GABBR2: variants seen among roughly 807,000 people sequenced by gnomAD.
The protein encoded by GABBR2 is gamma-aminobutyric acid type B receptor subunit 2.
GABBR2 carries 23 observed loss-of-function variants against 105.6 expected under a neutral mutation model. The observed-to-expected ratio is 0.22, with a 90% confidence interval of 0.16 to 0.31. GABBR2 has a LOEUF of 0.31. Among genes scored for constraint, GABBR2 ranks in the 10% least tolerant of loss-of-function variants. The pLI, the probability that GABBR2 is intolerant of heterozygous loss-of-function variation, is 1.00. For missense variants in GABBR2, 734 were observed against 1,245.5 expected, an observed-to-expected ratio of 0.59 and a Z score of 6.18; for synonymous variants, 478 against 499.7, an observed-to-expected ratio of 0.96 and a Z score of 0.58.
chr9:98,655,469 T>C (rs1036433009), intron 1 of GABBR2, among the ~76,000 whole-genome samples: 1 of 152,180 alleles, frequency 6.6e-6, no homozygotes, highest in African/African-American at 2.4e-5. Context: ...AGAGTGGTGA[T>C]GTGTGTGGGA....
intron 2 of GABBR2, among the ~76,000 whole-genome samples, chr9:98,543,598 C>G (rs1360917294): frequency 2.0e-5 from 3 of 152,134 alleles, no homozygotes; most frequent in African/African-American, 7.2e-5. Flanking sequence ...CCCCTGGGCT[C>G]AAGCCTCTGG....
chr9:98,471,573 C>T (rs927523464), intron 6 of GABBR2, among the ~76,000 whole-genome samples: 1 of 152,248 alleles, frequency 6.6e-6, no homozygotes, highest in Non-Finnish European at 1.5e-5. Flanking sequence ...GAAAGCCACA[C>T]CCTTAGAACT....
intron 4 of GABBR2, among the ~76,000 whole-genome samples, chr9:98,487,561 G>A (rs1174744605): frequency 6.6e-6 from 1 of 152,076 alleles, no homozygotes; most frequent in Admixed American, 6.5e-5. Context: ...AATCACTTGA[G>A]CTCAGGAGTT....
intron 8 of GABBR2, among the ~76,000 whole-genome samples, chr9:98,399,388 C>G (rs939664263): frequency 6.6e-6 from 1 of 151,748 alleles, no homozygotes; most frequent in Non-Finnish European, 1.5e-5. Context: ...TTGGATGCCA[C>G]TGCTCTCAGA....
chr9:98,544,478 G>A (rs1158728111), intron 2 of GABBR2, among the ~76,000 whole-genome samples: 1 of 152,176 alleles, frequency 6.6e-6, no homozygotes, highest in Non-Finnish European at 1.5e-5. Flanking sequence ...ACCGGTAAAG[G>A]TCAAAGGTAG....
intron 1 of GABBR2, among the ~76,000 whole-genome samples, chr9:98,662,973 G>A (rs1429199127): frequency 6.6e-6 from 1 of 152,180 alleles, no homozygotes; most frequent in Non-Finnish European, 1.5e-5. Flanking sequence ...ACTGAATTGT[G>A]AGAGTGGTGG....
At chr9:98,310,788 G>A (rs1278938804) in intron 14 of GABBR2, among the ~76,000 whole-genome samples, 1 of 152,196 alleles carries the variant, frequency 6.6e-6, no homozygotes, top group Non-Finnish European at 1.5e-5. Context: ...AGTGACAGCT[G>A]TAAGGCACAG....
chr9:98,447,011 G>A (rs887221036), intron 7 of GABBR2, among the ~76,000 whole-genome samples: 6 of 151,752 alleles, frequency 4.0e-5, no homozygotes, highest in Non-Finnish European at 5.9e-5. Context: ...TGGAGTTCCC[G>A]GTGCCCTGTT....
At chr9:98,304,942 T>A (rs987705241) in intron 15 of GABBR2, among the ~76,000 whole-genome samples, 1 of 152,160 alleles carries the variant, frequency 6.6e-6, no homozygotes, top group Non-Finnish European at 1.5e-5. Context: ...TGGCTTTTTT[T>A]TTGTATTTTT....
intron 1 of GABBR2, among the ~76,000 whole-genome samples, chr9:98,678,690 A>G (rs1301356543): frequency 6.6e-6 from 1 of 152,132 alleles, no homozygotes; most frequent in Admixed American, 6.5e-5. Flanking sequence ...CAGCCATCCC[A>G]CCTCCAAATT....
chr9:98,466,294 A>G (rs1186967488), intron 6 of GABBR2, among the ~76,000 whole-genome samples: 1 of 152,260 alleles, frequency 6.6e-6, no homozygotes, highest in Non-Finnish European at 1.5e-5. Flanking sequence ...AAAAGCAGGC[A>G]TCTGAATGGC....
chr9:98,636,567 C>T (rs1829880020), intron 1 of GABBR2, among the ~76,000 whole-genome samples: 1 of 133,468 alleles, frequency 7.5e-6, no homozygotes, highest in Non-Finnish European at 1.6e-5. Flanking sequence ...GATCTCAGCT[C>T]ACTGCAACCC....
At chr9:98,584,887 T>A (rs1460965426) in intron 1 of GABBR2, among the ~76,000 whole-genome samples, 1 of 152,044 alleles carries the variant, frequency 6.6e-6, no homozygotes, top group East Asian at 1.9e-4. Flanking sequence ...GTGCCAGGGG[T>A]CTCACTCTCT....
chr9:98,660,504 G>A lies in GABBR2; in HGVS notation c.321+47913C>T, dbSNP rs117958849. Among the ~76,000 whole-genome samples the A allele has an allele frequency of 2.5e-3, 381 of 152,198 alleles. 8 individuals are homozygous for A. In the East Asian group the frequency reaches 0.039, roughly 15 times the overall value. ...TCCACATTTTTAACTGCCTTTATTGGCCAATTGTATATATTCTTTGGTGAG... is the reference window on the plus strand; with the variant it reads ...TCCACATTTTTAACTGCCTTTATTGACCAATTGTATATATTCTTTGGTGAG... On this transcript the variant is annotated intron_variant, in intron 1 of 18. Transcript: ENST00000259455.
rs571828255 is a variant in GABBR2, at chr9:98,654,394, A to G, written c.321+54023T>C. Among the ~76,000 whole-genome samples, 3 of 152,372 alleles carry G rather than the reference A, an allele frequency of 2.0e-5. No homozygotes were observed. In the South Asian group the frequency reaches 6.2e-4, roughly 32 times the overall value. The stretch of plus-strand genomic sequence containing the variant: ...TAAGAGCCCATAATGGGGAGAAAGA[A>G]TAAGTATTATCTTCGTCATCATTCA... On this transcript the variant is annotated intron_variant, in intron 1 of 18. Coordinates refer to ENST00000259455, the MANE Select transcript of GABBR2 (RefSeq NM_005458.8).
chr9:98,626,043 CCCTGA>C (rs1375067702), intron 1 of GABBR2, among the ~76,000 whole-genome samples: 2 of 152,128 alleles, frequency 1.3e-5, no homozygotes, highest in East Asian at 3.8e-4. Flanking sequence ...GGGGAGAGCT[CCCTGA>C]CCGGGAGAAG....
intron 3 of GABBR2, among the ~76,000 whole-genome samples, chr9:98,526,597 T>C (rs1397287476): frequency 6.6e-6 from 1 of 152,238 alleles, no homozygotes; most frequent in Non-Finnish European, 1.5e-5. Flanking sequence ...TCATTATTTT[T>C]TTAAATCATT....
At chr9:98,556,913 C>T (rs1828595148) in intron 2 of GABBR2, among the ~76,000 whole-genome samples, 1 of 152,170 alleles carries the variant, frequency 6.6e-6, no homozygotes, top group Admixed American at 6.5e-5. Context: ...AGCACGGTGG[C>T]CATGCCTGTG....
chr9:98,331,396 CTTTTTT>C (rs142735341), intron 13 of GABBR2, among the ~76,000 whole-genome samples: 3 of 76,028 alleles, frequency 3.9e-5, no homozygotes, highest in Admixed American at 1.7e-4. Context: ...AGTCCCTCTT[CTTTTTT>C]TTTTTTTTTT....
Sources: gnomAD v4.1 joint callset for allele counts (sites outside exome capture counted in the v4.1 genomes callset) on GRCh38, gnomAD v4.1.1 for gene constraint, MANE v1.5 for transcripts, NCBI Gene and HGNC (gene_info 2026-07-23, HGNC 2026-07-21) for gene names.